Variants in CDK5RAP2 observed in about 807,000 individuals in gnomAD.
CDK5RAP2 encodes the protein CDK5 regulatory subunit-associated protein 2.
Under a neutral mutation model 232.9 loss-of-function variants are expected in CDK5RAP2, and 147 were observed. The ratio of observed to expected loss-of-function variants is 0.63; its 90% CI spans 0.55 to 0.72. The LOEUF (loss-of-function observed/expected upper bound fraction) is 0.72, where lower values mean the gene tolerates loss of function less well. CDK5RAP2 is among the 30% of genes least tolerant of loss of function. The pLI is 0.00. For synonymous variants in CDK5RAP2, 833 were observed against 833.7 expected, an observed-to-expected ratio of 1.00 and a Z score of 0.01; for missense variants, 2,195 against 2,231.5, an observed-to-expected ratio of 0.98 and a Z score of 0.33.
intron 25 of CDK5RAP2, among the ~76,000 whole-genome samples, chr9:120,428,840 T>C (rs931297071): frequency 4.2e-4 from 64 of 152,316 alleles, no homozygotes; most frequent in Admixed American, 1.9e-3. Context: ...TTGATGAACA[T>C]TGATGCAAAA....
chr9:120,439,217 T>C (rs1174732234), intron 24 of CDK5RAP2, among the ~76,000 whole-genome samples, 182 bp downstream of exon 24: 1 of 152,146 alleles, frequency 6.6e-6, no homozygotes, highest in African/African-American at 2.4e-5. Context: ...TTCCTCTTCT[T>C]TGTGGCCTCA....
At position 120,435,725 on chromosome 9, in the gene CDK5RAP2, C is replaced by T. The variant is rs372337195; in HGVS notation, c.3955+1570G>A. 2.0e-5 allele frequency among the ~76,000 whole-genome samples: 3 copies of T among 152,088 alleles called. 1 individual carries two copies. Among genetic ancestry groups the T allele is most frequent in the East Asian group, 3.8e-4 (2 of 5,198 alleles). On this transcript the variant is annotated intron_variant, in intron 25 of 37. Transcript: ENST00000349780. ...GATGGAGACATGTCAAAAGAAACTG[C>T]CACTTACCAAATCTGGGACAATATA...
intron 7 of CDK5RAP2, among the ~76,000 whole-genome samples, chr9:120,533,190 C>T (rs147340863): frequency 2.6e-5 from 4 of 152,228 alleles, no homozygotes; most frequent in African/African-American, 7.2e-5. Flanking sequence ...TTTTTTTTAA[C>T]ATCTATCCCC....
At chr9:120,501,388 T>C (rs777018636) in intron 12 of CDK5RAP2, among the ~76,000 whole-genome samples, 2 of 152,172 alleles carry the variant, frequency 1.3e-5, no homozygotes, top group African/African-American at 2.4e-5. Flanking sequence ...CCTCCTAATA[T>C]AGTATTTAAT....
At chr9:120,558,459 G>A (rs1242846828) in intron 3 of CDK5RAP2, among the ~76,000 whole-genome samples, 1 of 148,724 alleles carries the variant, frequency 6.7e-6, no homozygotes, top group Non-Finnish European at 1.5e-5. Flanking sequence ...GACCGATCTG[G>A]TATACATCAC....
intron 11 of CDK5RAP2, among the ~76,000 whole-genome samples, chr9:120,520,898 C>CAT (rs1206478328): frequency 2.0e-5 from 3 of 151,532 alleles, no homozygotes; most frequent in Non-Finnish European, 2.9e-5. Context: ...AACTGTATCT[C>CAT]ATATATCATA....
At chr9:120,408,553 C>T (rs1263663279) in intron 30 of CDK5RAP2, 85 bp from the exon 31 acceptor site, 6 of 1,433,858 alleles carry the variant, frequency 4.2e-6, no homozygotes, top group Non-Finnish European at 5.8e-6. Context: ...AGGCCAATTC[C>T]ACCCTCAGTC....
chr9:120,484,474 C>A (rs924353119), intron 14 of CDK5RAP2, among the ~76,000 whole-genome samples: 1 of 152,032 alleles, frequency 6.6e-6, no homozygotes, highest in African/African-American at 2.4e-5. Context: ...GTAATCCCAG[C>A]AATTTGGGAG....
chr9:120,515,849 C>A (rs2040312599), intron 12 of CDK5RAP2, among the ~76,000 whole-genome samples: 1 of 152,184 alleles, frequency 6.6e-6, no homozygotes, highest in Admixed American at 6.5e-5. Context: ...GAATGGCGAT[C>A]ATTAAAAAGT....
intron 16 of CDK5RAP2, among the ~76,000 whole-genome samples, chr9:120,470,507 C>A (rs1038858544): frequency 6.6e-6 from 1 of 152,156 alleles, no homozygotes; most frequent in Admixed American, 6.5e-5. Flanking sequence ...AAGTATTGTG[C>A]CTGGAGACCA....
chr9:120,427,411 G>A (rs1348361212), intron 25 of CDK5RAP2, among the ~76,000 whole-genome samples: 1 of 152,176 alleles, frequency 6.6e-6, no homozygotes, highest in Non-Finnish European at 1.5e-5. Flanking sequence ...ATCTCTATAA[G>A]ACAGGTACTG....
chr9:120,543,251 G>A (rs1175180393), intron 5 of CDK5RAP2, among the ~76,000 whole-genome samples: 1 of 152,056 alleles, frequency 6.6e-6, no homozygotes. Flanking sequence ...TTCCTGACTG[G>A]TCGCCCAGCT....
At chr9:120,579,899 C>A in intron 1 of CDK5RAP2, 21 bp downstream of exon 1, 1 of 1,605,602 alleles carries the variant, frequency 6.2e-7, no homozygotes, top group South Asian at 1.1e-5. Flanking sequence ...GTTACCACGA[C>A]CACCAATGCC....
chr9:120,523,465 T>A (rs940789600), intron 11 of CDK5RAP2, among the ~76,000 whole-genome samples: 1 of 152,214 alleles, frequency 6.6e-6, no homozygotes. Flanking sequence ...CTTAGCTCCA[T>A]TTCATCAACC....
At chr9:120,503,395 G>C (rs1206386140) in intron 12 of CDK5RAP2, among the ~76,000 whole-genome samples, 11 of 152,174 alleles carry the variant, frequency 7.2e-5, no homozygotes. Flanking sequence ...GTGCTGCCAT[G>C]GCAACACAAA....
At chr9:120,548,807 T>C (rs1200824912) in intron 4 of CDK5RAP2, among the ~76,000 whole-genome samples, 1 of 152,074 alleles carries the variant, frequency 6.6e-6, no homozygotes, top group Non-Finnish European at 1.5e-5. Context: ...TGAGATACTG[T>C]CTCAAAAACA....
At chr9:120,525,152 T>C in intron 10 of CDK5RAP2, 74 bp from the exon 11 acceptor site, 1 of 1,094,308 alleles carries the variant, frequency 9.1e-7, no homozygotes, top group South Asian at 1.3e-5. Context: ...ATGCTTTTCC[T>C]GCTCAATTGT....
chr9:120,478,947 T>C (rs1006194106), intron 14 of CDK5RAP2, among the ~76,000 whole-genome samples: 2 of 152,172 alleles, frequency 1.3e-5, no homozygotes, highest in Non-Finnish European at 2.9e-5. Context: ...TATCCAAATA[T>C]CTAGTGTACC....
chr9:120,440,039 CA>C, intron 23 of CDK5RAP2, 67 bp from the exon 24 acceptor site: 1 of 1,422,246 alleles, frequency 7.0e-7, no homozygotes, highest in Non-Finnish European at 9.7e-7. Context: ...TCCTTCCTCA[CA>C]GCCCTAGCCA....
Sources: allele counts gnomAD v4.1 joint callset (sites outside exome capture counted in the v4.1 genomes callset), GRCh38; gene constraint gnomAD v4.1.1; transcripts MANE v1.5; gene names NCBI Gene and HGNC (gene_info 2026-07-23, HGNC 2026-07-21).